TPST1: variants seen among roughly 807,000 people sequenced by gnomAD.
The protein encoded by TPST1 is tyrosylprotein sulfotransferase 1.
TPST1 carries 20 observed loss-of-function variants against 34.8 expected under a neutral mutation model. The observed-to-expected ratio is 0.57, with a 90% confidence interval of 0.40 to 0.84. The LOEUF (loss-of-function observed/expected upper bound fraction) is 0.84, where lower values mean the gene tolerates loss of function less well. Among genes scored for constraint, TPST1 ranks in the 40% least tolerant of loss-of-function variants. The pLI is 0.00. For missense variants in TPST1, 353 were observed against 455.5 expected, an observed-to-expected ratio of 0.78 and a Z score of 2.05; for synonymous variants, 152 against 159.4, an observed-to-expected ratio of 0.95 and a Z score of 0.35.
intron 1 of TPST1, among the ~76,000 whole-genome samples, chr7:66,223,402 G>A (rs1260337758): frequency 6.8e-6 from 1 of 147,026 alleles, no homozygotes; most frequent in Non-Finnish European, 1.5e-5. Flanking sequence ...GTTGGAGGCT[G>A]CAGTGAGCTA....
intron 2 of TPST1, among the ~76,000 whole-genome samples, chr7:66,272,623 CTG>C (rs984135830): frequency 4.9e-4 from 73 of 149,428 alleles, no homozygotes; most frequent in Non-Finnish European, 2.4e-4. Context: ...TGGTTTCACT[CTG>C]TTGCCCAGGT....
intron 4 of TPST1, among the ~76,000 whole-genome samples, chr7:66,353,081 G>A (rs1792513710): frequency 6.6e-6 from 1 of 152,166 alleles, no homozygotes; most frequent in Non-Finnish European, 1.5e-5. Context: ...TTGTGAGACC[G>A]AGGTTGGCAG....
chr7:66,222,067 A>T (rs1789554261), intron 1 of TPST1, among the ~76,000 whole-genome samples: 1 of 152,172 alleles, frequency 6.6e-6, no homozygotes, highest in African/African-American at 2.4e-5. Flanking sequence ...GAAAGATATC[A>T]CTAGTTACCT....
At chr7:66,326,121 G>A (rs1257011075) in intron 3 of TPST1, among the ~76,000 whole-genome samples, 1 of 152,164 alleles carries the variant, frequency 6.6e-6, no homozygotes, top group Non-Finnish European at 1.5e-5. Context: ...AGAAACTTCT[G>A]TGAGTCTATC....
intron 3 of TPST1, among the ~76,000 whole-genome samples, chr7:66,328,937 G>T (rs1791941213): frequency 1.7e-5 from 1 of 58,968 alleles, no homozygotes; most frequent in Admixed American, 2.0e-4. Context: ...TTTGAGACAG[G>T]GTCTCATTCT....
chr7:66,202,713 T>A (rs1789045855), upstream of TPST1, among the ~76,000 whole-genome samples: 1 of 152,026 alleles, frequency 6.6e-6, no homozygotes, highest in Non-Finnish European at 1.5e-5. Context: ...AAAAGACTGG[T>A]TAGAGGATCG....
intron 1 of TPST1, among the ~76,000 whole-genome samples, chr7:66,236,085 G>A (rs891254124): frequency 6.6e-6 from 1 of 152,098 alleles, no homozygotes; most frequent in Non-Finnish European, 1.5e-5. Context: ...TACTTTGACA[G>A]ACAGTGAGCA....
At chr7:66,280,620 C>G (rs1278510355) in intron 2 of TPST1, among the ~76,000 whole-genome samples, 3 of 152,122 alleles carry the variant, frequency 2.0e-5, no homozygotes, top group African/African-American at 7.2e-5. Context: ...TCTTACTACT[C>G]TATCTAGGAC....
chr7:66,357,107 T>C (rs553118241), intron 5 of TPST1, among the ~76,000 whole-genome samples: 1 of 152,330 alleles, frequency 6.6e-6, no homozygotes, highest in South Asian at 2.1e-4. Context: ...TTAATCATCA[T>C]CCAAGAGCCT....
chr7:66,303,370 T>C (rs569296199), intron 3 of TPST1, among the ~76,000 whole-genome samples: 2 of 152,330 alleles, frequency 1.3e-5, no homozygotes, highest in South Asian at 4.1e-4. Context: ...TTACCATTTG[T>C]ATTTAGAAAA....
At chr7:66,235,118 G>A (rs1050965556) in intron 1 of TPST1, among the ~76,000 whole-genome samples, 1 of 150,216 alleles carries the variant, frequency 6.7e-6, no homozygotes, top group African/African-American at 2.4e-5. Flanking sequence ...GGCTCCTTTT[G>A]AATTGAACAT....
chr7:66,217,147 G>A (rs1789439387), intron 1 of TPST1, among the ~76,000 whole-genome samples: 1 of 152,104 alleles, frequency 6.6e-6, no homozygotes, highest in African/African-American at 2.4e-5. Context: ...TGTCATTTGA[G>A]AACAATATAT....
chr7:66,303,391 G>GTATGTATGTATGTATGTATGTATGTA (rs1554350572), intron 3 of TPST1, among the ~76,000 whole-genome samples: 1 of 150,048 alleles, frequency 6.7e-6, no homozygotes, highest in Non-Finnish European at 1.5e-5. Flanking sequence ...ACAGCTGTGT[G>GTATGTATGTATGTATGTATGTATGTA]TGTATGTATG....
intron 1 of TPST1, among the ~76,000 whole-genome samples, chr7:66,207,967 A>C (rs151202747): frequency 5.9e-5 from 9 of 151,768 alleles, no homozygotes; most frequent in Non-Finnish European, 1.3e-4. Context: ...CTCTCTTCAT[A>C]ACATCTTTTT....
At chr7:66,295,531 C>T (rs1051327083) in intron 3 of TPST1, among the ~76,000 whole-genome samples, 3 of 152,080 alleles carry the variant, frequency 2.0e-5, no homozygotes, top group African/African-American at 7.2e-5. Flanking sequence ...AACAAAAAAC[C>T]TTTGAACTGC....
chr7:66,319,255 T>G (rs1791699958), intron 3 of TPST1, among the ~76,000 whole-genome samples: 1 of 152,208 alleles, frequency 6.6e-6, no homozygotes. Flanking sequence ...CTTTCATGTT[T>G]TCTGCCTTCT....
chr7:66,320,245 CTT>C (rs569746911), intron 3 of TPST1, among the ~76,000 whole-genome samples: 7 of 126,384 alleles, frequency 5.5e-5, no homozygotes, highest in South Asian at 2.5e-4. Context: ...TTTTCTTTTT[CTT>C]TTTTTTTTTT....
At chr7:66,235,010 C>T (rs1789882260) in intron 1 of TPST1, among the ~76,000 whole-genome samples, 2 of 152,014 alleles carry the variant, frequency 1.3e-5, no homozygotes. Flanking sequence ...TATGGTTTTA[C>T]TTTCTTTAAC....
At chr7:66,320,554 T>C (rs945104347) in intron 3 of TPST1, among the ~76,000 whole-genome samples, 2 of 151,476 alleles carry the variant, frequency 1.3e-5, no homozygotes, top group Admixed American at 1.3e-4. Flanking sequence ...GCCTGGTTTC[T>C]TTCTTTTTAA....
Sources: allele counts gnomAD v4.1 joint callset (sites outside exome capture counted in the v4.1 genomes callset), GRCh38; gene constraint gnomAD v4.1.1; transcripts MANE v1.5; gene names NCBI Gene and HGNC (gene_info 2026-07-23, HGNC 2026-07-21).